The following SLC24A1 variants were observed in gnomAD, a reference collection of about 807,000 sequenced individuals.
SLC24A1 encodes solute carrier family 24 member 1, also known as sodium/potassium/calcium exchanger 1.
Under a neutral mutation model 88.1 loss-of-function variants are expected in SLC24A1, and 52 were observed. The ratio of observed to expected loss-of-function variants is 0.59; its 90% confidence interval spans 0.47 to 0.74. SLC24A1 has a LOEUF of 0.74. SLC24A1 is among the 30% of genes least tolerant of loss of function. The probability of loss-of-function intolerance (pLI) is 0.00; values close to 1 mark genes in which losing one functional copy is unlikely to be tolerated. For synonymous variants in SLC24A1, 455 were observed against 498.0 expected (o/e 0.91, Z 1.15); for missense variants, 1,173 against 1,363.3 (o/e 0.86, Z 2.20).
chr15:65,617,953 C>G (rs1375016378), upstream of SLC24A1, among the ~76,000 whole-genome samples: 2 of 152,146 alleles, frequency 1.3e-5, no homozygotes, highest in Non-Finnish European at 2.9e-5. Flanking sequence ...GCAATCCTCC[C>G]TTCTCAGCCT....
intron 5 of SLC24A1, 64 bp from the exon 6 acceptor site, chr15:65,645,548 C>G (rs1458971140): frequency 7.8e-7 from 1 of 1,275,426 alleles, no homozygotes. Flanking sequence ...ATGCCAGTGT[C>G]TCTGCCAGCT....
downstream of SLC24A1, chr15:65,660,296 T>C (rs1300917002): frequency 6.5e-7 from 1 of 1,535,354 alleles, no homozygotes; most frequent in Admixed American, 2.0e-5. Context: ...AGCTGTGAAA[T>C]GTTTCAGCAT....
At chr15:65,658,033 AATGAACAGGAACTGT>A (rs2075740585), downstream of SLC24A1, 2 of 152,254 alleles carry the variant, frequency 1.3e-5, no homozygotes, top group African/African-American at 4.8e-5. Flanking sequence ...GAGCCATCCA[AATGAACAGGAACTGT>A]GGAAAGGCAG....
chr15:65,647,817 C>T (rs1378001068), intron 6 of SLC24A1, among the ~76,000 whole-genome samples: 1 of 152,144 alleles, frequency 6.6e-6, no homozygotes, highest in Non-Finnish European at 1.5e-5. Flanking sequence ...AACTGCAGGC[C>T]TCATCAGTAG....
In SLC24A1 at chr15:65,624,329, C is replaced by G; in HGVS notation, c.249C>G (p.Ser83Arg). 1 of 1,613,762 alleles carries G rather than the reference C, an allele frequency of 6.2e-7. No individual in the cohort carries two copies. ...TGAGCAGCAGCCCTTCAAAACCTAG[C>G]TCCGAAATGGGGGGTAAGATGCTGG... ...MMMSSSPSKPSSEMGGKMLVP... is the reference protein window; with the variant it reads ...MMMSSSPSKPRSEMGGKMLVP... The change falls in exon 2 of 10, where the codon AGC (serine) becomes AGG (arginine). Residue 83 changes from serine to arginine, a missense_variant. By Grantham distance (110) the Ser-to-Arg change is moderately radical. Coordinates refer to ENST00000261892, the MANE Select transcript of SLC24A1 (RefSeq NM_004727.3).
rs1350762955 is a variant in SLC24A1 at position 65,638,295 on chromosome 15, G to GAAAC, written c.1944+115_1944+118dup. 4 of 771,622 alleles carry GAAAC rather than the reference G, an allele frequency of 5.2e-6. No individual in the cohort carries two copies. The African/African-American group carries it at 6.9e-5, about 13-fold the overall frequency. 47.8% of individuals were successfully genotyped at this position (771,622 alleles called of 1,614,324 possible). On this transcript the variant is annotated intron_variant, in intron 3 of 9. Coordinates refer to ENST00000261892, the MANE Select transcript of SLC24A1 (RefSeq NM_004727.3). The stretch of plus-strand genomic sequence containing the variant: ...GGACCCTGGCTGTGCTCAGGCCTAG[G>GAAAC]AAACTCCTGGGAGCGCTGCCAGGGT...
In SLC24A1 at chr15:65,655,951, G is replaced by C. The variant is rs902530214; in HGVS notation, c.*1872G>C. 60 of 984,980 alleles carry C rather than the reference G, an allele frequency of 6.1e-5. No individual in the cohort carries two copies. The highest frequency in any genetic ancestry group is 7.1e-5 in the Non-Finnish European group (59 of 829,704). 61.0% of individuals were successfully genotyped at this position (984,980 alleles called of 1,614,324 possible). A position where few individuals can be genotyped will look rare whatever the true frequency, so the allele number is the denominator to read the frequency against. On this transcript the variant is annotated 3_prime_UTR_variant, in exon 10 of 10. Coordinates refer to ENST00000261892, the MANE Select transcript of SLC24A1 (RefSeq NM_004727.3). ...AGACTGATGAAGAGTATGGAATCAT[G>C]TTCCAATTCTATATTCTTAATTATC...
At chr15:65,620,254 A>C (rs62013119), upstream of SLC24A1, among the ~76,000 whole-genome samples, 9,518 of 152,126 alleles carry the variant, frequency 0.063, 314 homozygotes, top group African/African-American at 0.091. Flanking sequence ...CACATTAATC[A>C]GGTGATTGCA....
exon 1 of SLC24A1, chr15:65,611,469 G>T (rs1258068688): frequency 4.3e-6 from 2 of 470,366 alleles, no homozygotes; most frequent in Non-Finnish European, 7.8e-6. Context: ...TGACCCATGG[G>T]CCTCACCTGG....
At chr15:65,614,196 G>A (rs1035333718) in intron 2 of SLC24A1, among the ~76,000 whole-genome samples, 25 of 151,960 alleles carry the variant, frequency 1.6e-4, no homozygotes, top group African/African-American at 4.1e-4. Flanking sequence ...TCCTCATCTC[G>A]TTTCATGTAC....
chr15:65,625,820 C>T lies in SLC24A1; in HGVS notation c.1740C>T (p.Leu580=). Residue 580 remains leucine, a synonymous_variant, in exon 2 of 10, where the codon CTC becomes CTT. Transcript: ENST00000261892. ...IMLILFFLDS[L]IAWWESLLLL... Reference sequence around the variant, plus strand: ...TCATCCTCTTCTTCCTGGACAGCCTCATTGCCTGGTGGGAGAGCCTGCTGC... The same window carrying T: ...TCATCCTCTTCTTCCTGGACAGCCTTATTGCCTGGTGGGAGAGCCTGCTGC... 13 of 1,614,076 alleles carry T rather than the reference C, an allele frequency of 8.1e-6. No homozygotes were observed. Among genetic ancestry groups the T allele is most frequent in the Non-Finnish European group, 1.1e-5 (13 of 1,179,910 alleles).
chr15:65,658,332 C>A (rs1295007905), downstream of SLC24A1: 1 of 152,196 alleles, frequency 6.6e-6, no homozygotes, highest in African/African-American at 2.4e-5. Flanking sequence ...CAGGAAGAGG[C>A]AGCACATGCT....
chr15:65,613,447 G>C (rs2074035218), intron 2 of SLC24A1, among the ~76,000 whole-genome samples: 5 of 151,394 alleles, frequency 3.3e-5, no homozygotes, highest in Admixed American at 3.3e-4. Context: ...CTTCGTGCTT[G>C]AGAATCTTTG....
chr15:65,660,144 A>G (rs1008503296), downstream of SLC24A1: 1 of 616,114 alleles, frequency 1.6e-6, no homozygotes, highest in South Asian at 2.0e-5. Context: ...TCTGAATAGT[A>G]AAGAATAATA....
intron 8 of SLC24A1, 167 bp downstream of exon 8, chr15:65,651,926 TG>T: frequency 3.1e-6 from 2 of 644,742 alleles, no homozygotes; most frequent in South Asian, 3.0e-5. Context: ...GTGAACGCAG[TG>T]CTTCTCAAGT....
At chr15:65,651,352 T>A (rs2075498151) in intron 7 of SLC24A1, among the ~76,000 whole-genome samples, 1 of 152,186 alleles carries the variant, frequency 6.6e-6, no homozygotes, top group African/African-American at 2.4e-5. Context: ...CAGAAAGGAA[T>A]GGTACAAGGA....
At chr15:65,648,514 C>T (rs1442339357) in intron 6 of SLC24A1, among the ~76,000 whole-genome samples, 4 of 151,188 alleles carry the variant, frequency 2.6e-5, no homozygotes, top group Non-Finnish European at 5.9e-5. Flanking sequence ...CTGAGTCTTG[C>T]TCTGTCGCCT....
intron 2 of SLC24A1, among the ~76,000 whole-genome samples, chr15:65,633,272 C>T (rs1323685449): frequency 6.6e-6 from 1 of 152,078 alleles, no homozygotes; most frequent in Non-Finnish European, 1.5e-5. Flanking sequence ...AAGGCTTAGT[C>T]TGAAAAAATG....
At chr15:65,656,406 G>A (rs1044796477), downstream of SLC24A1, 1 of 241,006 alleles carries the variant, frequency 4.1e-6, no homozygotes, top group African/African-American at 2.3e-5. Context: ...CTGGGGGAGA[G>A]AGTGAGATTA....
Sources: gnomAD v4.1 joint callset for allele counts (sites outside exome capture counted in the v4.1 genomes callset) on GRCh38, gnomAD v4.1.1 for gene constraint, MANE v1.5 for transcripts, NCBI Gene and HGNC (gene_info 2026-07-23, HGNC 2026-07-21) for gene names.